The following IMMP2L variants were observed in gnomAD, a reference collection of about 807,000 sequenced individuals.
IMMP2L encodes inner mitochondrial membrane peptidase subunit 2.
In IMMP2L, 18 loss-of-function variants were observed where a neutral mutation model predicts 19.3. The observed-to-expected ratio is 0.93, with a 90% CI of 0.64 to 1.38. The LOEUF is 1.38. Ranked by LOEUF, IMMP2L falls within the 40% of genes most tolerant of loss-of-function variation. The probability of loss-of-function intolerance (pLI) is 0.00; values close to 1 mark genes in which losing one functional copy is unlikely to be tolerated. For missense variants in IMMP2L, 233 were observed against 218.2 expected, an observed-to-expected ratio of 1.07 and a Z score of -0.43; for synonymous variants, 76 against 73.0, an observed-to-expected ratio of 1.04 and a Z score of -0.21.
rs37717 is a variant in IMMP2L, at chr7:111,239,720, A to C, written c.239+247518T>G. On this transcript the variant is annotated intron_variant, in intron 3 of 5. Transcript: ENST00000405709. ...TGTGTTTTACTGCCAACTCTGATCA[A>C]TTTGGCAAAAAGATGAGAGCAGCAA... Among the ~76,000 whole-genome samples, 30 of 151,694 alleles carry C rather than the reference A, an allele frequency of 2.0e-4. 2 individuals are homozygous for C. The East Asian group carries it at 4.5e-3, about 23-fold the overall frequency.
chr7:111,003,270 G>A (rs1028662623), intron 3 of IMMP2L, among the ~76,000 whole-genome samples: 1 of 151,924 alleles, frequency 6.6e-6, no homozygotes, highest in Non-Finnish European at 1.5e-5. Context: ...CAATTTTAGA[G>A]ATTTTTGCCA....
intron 3 of IMMP2L, among the ~76,000 whole-genome samples, chr7:110,985,589 A>G (rs1821774857): frequency 6.6e-6 from 1 of 152,188 alleles, no homozygotes; most frequent in South Asian, 2.1e-4. Flanking sequence ...ATGTTAGTCA[A>G]GTTTAAAACT....
chr7:110,673,898 CT>C (rs1448344651), intron 5 of IMMP2L, among the ~76,000 whole-genome samples: 1 of 152,200 alleles, frequency 6.6e-6, no homozygotes, highest in Non-Finnish European at 1.5e-5. Flanking sequence ...CTTTCTCACA[CT>C]TTCCTGTCTT....
At chr7:111,419,135 T>G (rs1563168023) in intron 3 of IMMP2L, among the ~76,000 whole-genome samples, 1 of 151,854 alleles carries the variant, frequency 6.6e-6, no homozygotes, top group East Asian at 1.9e-4. Context: ...CCTTACTTGC[T>G]GCTGCCTCCT....
intron 3 of IMMP2L, among the ~76,000 whole-genome samples, chr7:111,400,461 A>T (rs1341293540): frequency 6.6e-6 from 1 of 151,988 alleles, no homozygotes; most frequent in East Asian, 1.9e-4. Flanking sequence ...CTGCTGCTAC[A>T]TCTCTTGCTT....
At chr7:111,207,867 T>C (rs1409355407) in intron 3 of IMMP2L, among the ~76,000 whole-genome samples, 1 of 152,110 alleles carries the variant, frequency 6.6e-6, no homozygotes, top group African/African-American at 2.4e-5. Flanking sequence ...AAAATATTAA[T>C]TTTACTCTAC....
chr7:110,862,075 T>C (rs1585060828), intron 5 of IMMP2L, among the ~76,000 whole-genome samples: 1 of 152,074 alleles, frequency 6.6e-6, no homozygotes, highest in Non-Finnish European at 1.5e-5. Flanking sequence ...CATGCCTGTA[T>C]TTTCTTAAAT....
intron 3 of IMMP2L, among the ~76,000 whole-genome samples, chr7:111,043,642 A>C (rs2129571364): frequency 6.6e-6 from 1 of 152,368 alleles, no homozygotes; most frequent in African/African-American, 2.4e-5. Context: ...AATACTGGAA[A>C]ATGCAAATAT....
At chr7:111,255,449 T>C (rs1816598658) in intron 3 of IMMP2L, among the ~76,000 whole-genome samples, 1 of 152,042 alleles carries the variant, frequency 6.6e-6, no homozygotes, top group African/African-American at 2.4e-5. Flanking sequence ...AAATGATTCA[T>C]TATAGTATTT....
At chr7:111,401,615 G>T (rs1202997602) in intron 3 of IMMP2L, among the ~76,000 whole-genome samples, 1 of 152,038 alleles carries the variant, frequency 6.6e-6, no homozygotes, top group East Asian at 1.9e-4. Flanking sequence ...TGGAATTATG[G>T]GCTCTGACTG....
rs188686184 is a variant in IMMP2L at position 111,265,630 on chromosome 7, T to C, written c.239+221608A>G. Among the ~76,000 whole-genome samples, 12 of 152,152 alleles carry C rather than the reference T, an allele frequency of 7.9e-5. No individual in the cohort carries two copies. In the South Asian group the frequency reaches 1.5e-3, roughly 18 times the overall value. On this transcript the variant is annotated intron_variant, in intron 3 of 5. Coordinates refer to ENST00000405709, the MANE Select transcript of IMMP2L (RefSeq NM_032549.4). The stretch of plus-strand genomic sequence containing the variant: ...AGAACATTCCTAAAAGAAAACACAA[T>C]GTGCAAAGACCCAGAAGGGCAGAAG...
chr7:111,188,583 C>T (rs887420604), intron 3 of IMMP2L, among the ~76,000 whole-genome samples: 5 of 152,100 alleles, frequency 3.3e-5, no homozygotes, highest in Non-Finnish European at 5.9e-5. Flanking sequence ...GGGGAGTAGA[C>T]ATTCAGTCCA....
At chr7:110,693,923 C>T (rs1020969856) in intron 5 of IMMP2L, among the ~76,000 whole-genome samples, 1 of 152,102 alleles carries the variant, frequency 6.6e-6, no homozygotes, top group Non-Finnish European at 1.5e-5. Flanking sequence ...TAGAGACCCT[C>T]GCAAGTGGGA....
At chr7:111,155,408 T>C (rs1369430426) in intron 3 of IMMP2L, among the ~76,000 whole-genome samples, 1 of 152,128 alleles carries the variant, frequency 6.6e-6, no homozygotes. Context: ...ATATTCACTC[T>C]AAATATACTA....
chr7:111,447,561 T>C (rs1374010479), intron 3 of IMMP2L, among the ~76,000 whole-genome samples: 1 of 147,768 alleles, frequency 6.8e-6, no homozygotes, highest in Non-Finnish European at 1.5e-5. Context: ...AAGGAAGCGC[T>C]AAACATGGAA....
intron 2 of IMMP2L, among the ~76,000 whole-genome samples, chr7:111,501,074 A>G (rs1844191624): frequency 6.6e-6 from 1 of 152,138 alleles, no homozygotes; most frequent in South Asian, 2.1e-4. Context: ...AAAAACTTTG[A>G]AAAAAAATTA....
chr7:110,730,349 G>A (rs1421756799), intron 5 of IMMP2L, among the ~76,000 whole-genome samples: 1 of 152,024 alleles, frequency 6.6e-6, no homozygotes, highest in Admixed American at 6.5e-5. Flanking sequence ...TCTTCCTCCC[G>A]TGGTGGATGT....
intron 3 of IMMP2L, among the ~76,000 whole-genome samples, chr7:111,350,100 T>C (rs1035263875): frequency 8.6e-5 from 13 of 151,800 alleles, no homozygotes; most frequent in African/African-American, 3.1e-4. Context: ...CCCAAGTAGC[T>C]TGGATTACAC....
chr7:111,400,590 A>T (rs758539738), intron 3 of IMMP2L, among the ~76,000 whole-genome samples: 2 of 152,050 alleles, frequency 1.3e-5, no homozygotes, highest in Non-Finnish European at 2.9e-5. Flanking sequence ...TTTTCTATGG[A>T]TCAGCCATCT....
Sources: allele counts gnomAD v4.1 joint callset (sites outside exome capture counted in the v4.1 genomes callset), GRCh38; gene constraint gnomAD v4.1.1; transcripts MANE v1.5; gene names NCBI Gene and HGNC (gene_info 2026-07-23, HGNC 2026-07-21).